Variants in CEP43 observed in about 807,000 individuals in gnomAD.
CEP43 encodes the protein FGFR1 oncogene partner.
A neutral mutation model predicts 52.6 loss-of-function variants in CEP43; 36 were observed. That is an observed-to-expected ratio of 0.68 (90% confidence interval 0.52 to 0.90). The LOEUF (loss-of-function observed/expected upper bound fraction) is 0.90, where lower values mean the gene tolerates loss of function less well. Ranked by LOEUF, CEP43 falls within the 40% of genes least tolerant of loss-of-function variation. CEP43 has a pLI of 0.00. For synonymous variants in CEP43, 192 were observed against 172.4 expected (o/e 1.11, Z -0.89); for missense variants, 506 against 472.8 (o/e 1.07, Z -0.65).
At chr6:167,038,342 T>G (rs73033003) in intron 12 of CEP43, among the ~76,000 whole-genome samples, 3,085 of 152,346 alleles carry the variant, frequency 0.02, 52 homozygotes, top group East Asian at 0.091. Context: ...TGGCACAGTG[T>G]TAAAGTGTGT....
intron 12 of CEP43, 143 bp from the exon 13 acceptor site, chr6:167,039,761 A>G (rs1780655490): frequency 1.2e-6 from 1 of 816,874 alleles, no homozygotes; most frequent in South Asian, 1.7e-5. Context: ...CTTCACTGAC[A>G]TTTATATTAT....
intron 2 of CEP43, among the ~76,000 whole-genome samples, chr6:167,002,443 A>G (rs377330669): frequency 3.3e-5 from 5 of 152,216 alleles, no homozygotes; most frequent in African/African-American, 1.2e-4. Context: ...ACAGTCACAT[A>G]CAAGTCTTTG....
At chr6:167,009,558 G>A (rs1187792231) in intron 5 of CEP43, among the ~76,000 whole-genome samples, 2 of 149,390 alleles carry the variant, frequency 1.3e-5, no homozygotes, top group East Asian at 2.0e-4. Context: ...CGTGGTACTC[G>A]GGAGGTTGAG....
At position 166,999,419 on chromosome 6, in the gene CEP43, G is replaced by A. The variant is rs1407804483; in HGVS notation, c.7G>A (p.Ala3Thr). Residue 3 changes from alanine to threonine, a missense_variant, in exon 1 of 13, where the codon GCG (alanine) becomes ACG (threonine). Transcript: ENST00000366847. ...GTTGTCTTGGAGAAGCAAGATGGCG[G>A]CGACGGCGGCCGCAGTGGTGGCCGA... Reference protein sequence around the residue: MAATAAAVVAEED... With the variant: MATTAAAVVAEED... 1.4e-6 allele frequency: 2 copies of A among 1,475,190 alleles called. No individual in the cohort carries two copies. The highest frequency in any genetic ancestry group is 2.4e-5 in the Admixed American group (1 of 41,568). The allele number at this position is 1,475,190 out of a possible 1,614,324, so 91.4% of individuals were successfully genotyped here.
intron 7 of CEP43, among the ~76,000 whole-genome samples, chr6:167,014,998 C>T (rs565730015): frequency 6.6e-6 from 1 of 152,316 alleles, no homozygotes; most frequent in South Asian, 2.1e-4. Flanking sequence ...ACAACTTAAA[C>T]ATTTTCAAGA....
chr6:167,023,458 G>A (rs1183493694), intron 8 of CEP43, among the ~76,000 whole-genome samples: 1 of 152,206 alleles, frequency 6.6e-6, no homozygotes, highest in Non-Finnish European at 1.5e-5. Flanking sequence ...AGTGGCAAGA[G>A]CAAGAGTGGA....
Position 167,003,780 on chromosome 6 carries a change from C to T in CEP43, c.269C>T (p.Thr90Ile). ...CTTCAGTTTTTTAACCTTGACTTTACTTTGGCTGTTTTTCAACCTGAAACT... is the reference window on the plus strand; with the variant it reads ...CTTCAGTTTTTTAACCTTGACTTTATTTTGGCTGTTTTTCAACCTGAAACT... ...EFLQFFNLDF[T>I]LAVFQPETST... The change falls in exon 4 of 13, where the codon ACT becomes ATT. Residue 90 changes from threonine to isoleucine, a missense_variant. Thr to Ile is a moderately conservative substitution (Grantham distance 89, BLOSUM62 -1). Coordinates refer to ENST00000366847, the MANE Select transcript of CEP43 (RefSeq NM_007045.4). 1.2e-6 allele frequency: 2 copies of T among 1,610,920 alleles called. No homozygotes were observed. Among genetic ancestry groups the T allele is most frequent in the Non-Finnish European group, 1.7e-6 (2 of 1,177,870 alleles).
rs148374336 is a variant in CEP43, at chr6:167,006,050, G to A, written c.438+1649G>A. Among the ~76,000 whole-genome samples the A allele has an allele frequency of 2.7e-4, 41 of 152,246 alleles. No individual in the cohort carries two copies. The East Asian group carries it at 7.5e-3, about 28-fold the overall frequency. Reference sequence around the variant, plus strand: ...GTGAGCCTGCAGTCACTCAGCCTCCGTGTGCCCAGGTTCCTTATCTGCAAC... The same window carrying A: ...GTGAGCCTGCAGTCACTCAGCCTCCATGTGCCCAGGTTCCTTATCTGCAAC... On this transcript the variant is annotated intron_variant, in intron 5 of 12. Coordinates refer to ENST00000366847, the MANE Select transcript of CEP43 (RefSeq NM_007045.4).
chr6:167,003,267 C>T lies in CEP43; in HGVS notation c.211+20C>T, dbSNP rs771584511. 3 of 1,372,416 alleles carry T rather than the reference C, an allele frequency of 2.2e-6. No homozygotes were observed. Among genetic ancestry groups the T allele is most frequent in the African/African-American group, 3.0e-5 (2 of 66,764 alleles). 85.0% of individuals were successfully genotyped at this position (1,372,416 alleles called of 1,614,324 possible). A position where few individuals can be genotyped will look rare whatever the true frequency, so the allele number is the denominator to read the frequency against. ...AAGACGGTAAGATGTTCAGTTTGTT[C>T]TTGTTTATCTATCTCTGAATTTTTG... On this transcript the variant is annotated intron_variant, in intron 3 of 12. Transcript: ENST00000366847.
Position 167,040,915 on chromosome 6 carries a change from A to G in CEP43, c.*937A>G. 1 of 1,024,410 alleles carries G rather than the reference A, an allele frequency of 9.8e-7. No individual in the cohort carries two copies. The highest frequency in any genetic ancestry group is 1.2e-6 in the Non-Finnish European group (1 of 852,372). The allele number at this position is 1,024,410 out of a possible 1,614,324, so 63.5% of individuals were successfully genotyped here. A position where few individuals can be genotyped will look rare whatever the true frequency, so the allele number is the denominator to read the frequency against. The stretch of plus-strand genomic sequence containing the variant: ...CATTGTAACCCTTAAAAATAGAGCC[A>G]ATAATAGAATTTCCACAGTCTCATT... On this transcript the variant is annotated 3_prime_UTR_variant, in exon 13 of 13. Coordinates refer to ENST00000366847, the MANE Select transcript of CEP43 (RefSeq NM_007045.4).
chr6:167,042,023 C>G lies in CEP43; in HGVS notation c.*2045C>G, dbSNP rs1780710409. On this transcript the variant is annotated 3_prime_UTR_variant, in exon 13 of 13. Transcript: ENST00000366847. The stretch of plus-strand genomic sequence containing the variant: ...ATTTTTAGTAGAGATGGGGTTTCAC[C>G]ATGTTGGTCAGGCTGGTCTTGAACT... 1 of 508,438 alleles carries G rather than the reference C, an allele frequency of 2.0e-6. No homozygotes were observed. The highest frequency in any genetic ancestry group is 9.6e-5 in the East Asian group (1 of 10,462). 31.5% of individuals were successfully genotyped at this position (508,438 alleles called of 1,614,324 possible).
intron 9 of CEP43, 173 bp downstream of exon 9, chr6:167,025,067 G>T (rs1780324662): frequency 1.9e-6 from 1 of 540,326 alleles, no homozygotes. Context: ...TTCTAAGGTG[G>T]TCCTATTTTA....
intron 10 of CEP43, chr6:167,027,934 A>G (rs1780389374): frequency 2.0e-6 from 2 of 985,692 alleles, no homozygotes; most frequent in Non-Finnish European, 2.4e-6. Flanking sequence ...CTGGTAACTG[A>G]GTTGCTGGTT....
intron 6 of CEP43, 146 bp from the exon 7 acceptor site, chr6:167,013,361 CA>C: frequency 2.9e-5 from 17 of 590,542 alleles, no homozygotes; most frequent in East Asian, 3.1e-5. Flanking sequence ...AAGAAAGGAC[CA>C]AAAAAAGCAG....
chr6:167,008,474 T>G (rs1235652080), intron 5 of CEP43, among the ~76,000 whole-genome samples: 2 of 150,478 alleles, frequency 1.3e-5, no homozygotes, highest in South Asian at 4.2e-4. Context: ...TTTTTTTTTG[T>G]TTTTTTTTGA....
At chr6:167,011,912 A>C (rs1779995107) in intron 6 of CEP43, among the ~76,000 whole-genome samples, 1 of 152,210 alleles carries the variant, frequency 6.6e-6, no homozygotes. Context: ...ATTGAGGGTT[A>C]GGATTTCAAC....
In CEP43 at chr6:167,043,789, A is replaced by G. The variant is rs912633739; in HGVS notation, c.*3811A>G. 4 of 152,210 alleles carry G rather than the reference A, an allele frequency of 2.6e-5. No individual in the cohort carries two copies. Among genetic ancestry groups the G allele is most frequent in the Non-Finnish European group, 5.9e-5 (4 of 68,038 alleles). The allele number at this position is 152,210 out of a possible 1,614,324, so 9.4% of individuals were successfully genotyped here. A position where few individuals can be genotyped will look rare whatever the true frequency, so the allele number is the denominator to read the frequency against. On this transcript the variant is annotated 3_prime_UTR_variant, in exon 13 of 13. Transcript: ENST00000366847. ...TCAGAGTTCCACACGTTCAACAAGCATCTGACATTTAAGGAAAGTGAATGT... is the reference window on the plus strand; with the variant it reads ...TCAGAGTTCCACACGTTCAACAAGCGTCTGACATTTAAGGAAAGTGAATGT...
intron 7 of CEP43, among the ~76,000 whole-genome samples, chr6:167,018,787 T>TA (rs1234609213): frequency 6.6e-6 from 1 of 152,226 alleles, no homozygotes; most frequent in Non-Finnish European, 1.5e-5. Context: ...ATCCAGGTGA[T>TA]ACAAAACCCA....
chr6:167,031,195 A>G (rs1583289358), intron 10 of CEP43, among the ~76,000 whole-genome samples: 1 of 152,160 alleles, frequency 6.6e-6, no homozygotes, highest in East Asian at 1.9e-4. Context: ...TAGCTGGATT[A>G]CAGATGTGCG....
Sources: gnomAD v4.1 joint callset for allele counts (sites outside exome capture counted in the v4.1 genomes callset) on GRCh38, gnomAD v4.1.1 for gene constraint, MANE v1.5 for transcripts, NCBI Gene and HGNC (gene_info 2026-07-23, HGNC 2026-07-21) for gene names.